Variants in SHPRH observed in about 807,000 individuals in gnomAD.
SHPRH encodes the protein E3 ubiquitin-protein ligase SHPRH.
A neutral mutation model predicts 202.5 loss-of-function variants in SHPRH; 106 were observed. That is an observed-to-expected ratio of 0.52 (90% CI 0.45 to 0.62). The LOEUF (loss-of-function observed/expected upper bound fraction) is 0.62. Ranked by LOEUF, SHPRH falls within the 20% of genes least tolerant of loss-of-function variation. The pLI is 0.00. For missense variants in SHPRH, 1,710 were observed against 2,020.0 expected (o/e 0.85, Z 2.94); for synonymous variants, 729 against 686.0 (o/e 1.06, Z -0.98).
chr6:145,923,625 T>G lies in SHPRH; in HGVS notation c.3545+18A>C. ...TTTTAAAATTATGAGTAGATACTTT[T>G]TCTTCCTGTTTTCTTACTTCTCTGA... On this transcript the variant is annotated intron_variant, in intron 18 of 29. Transcript: ENST00000275233. 4 of 1,609,108 alleles carry G rather than the reference T, an allele frequency of 2.5e-6. No individual in the cohort carries two copies. Among genetic ancestry groups the G allele is most frequent in the South Asian group, 1.1e-5 (1 of 90,530 alleles).
chr6:145,869,865 T>C (rs1055402131), intron 2 of SHPRH, among the ~76,000 whole-genome samples: 1 of 151,642 alleles, frequency 6.6e-6, no homozygotes, highest in Non-Finnish European at 1.5e-5. Context: ...AATTAGTTTG[T>C]TCATAGTCAC....
intron 25 of SHPRH, among the ~76,000 whole-genome samples, chr6:145,898,336 G>A (rs1782191669): frequency 6.6e-6 from 1 of 152,030 alleles, no homozygotes; most frequent in Admixed American, 6.6e-5. Context: ...AAAAATTAAA[G>A]AGAACACAAA....
At chr6:145,952,273 G>T in intron 3 of SHPRH, 76 bp downstream of exon 3, 1 of 1,297,974 alleles carries the variant, frequency 7.7e-7, no homozygotes, top group Non-Finnish European at 1.0e-6. Flanking sequence ...TTTTCTGATT[G>T]TTATGTCCAG....
chr6:145,945,376 G>A lies in SHPRH; in HGVS notation c.1578+5C>T, dbSNP rs1166913389. The stretch of plus-strand genomic sequence containing the variant: ...TAATATAGAGCTGAACTTAAGCTCT[G>A]TTACCTGCTTTTTTGTTTTATCACA... On this transcript the variant is annotated splice_donor_5th_base_variant and intron_variant, in intron 8 of 29. Coordinates refer to ENST00000275233, the MANE Select transcript of SHPRH (RefSeq NM_001042683.3). 2 of 1,606,966 alleles carry A rather than the reference G, an allele frequency of 1.2e-6. No individual in the cohort carries two copies. Among genetic ancestry groups the A allele is most frequent in the Non-Finnish European group, 1.7e-6 (2 of 1,177,176 alleles).
At chr6:145,910,711 C>A in intron 24 of SHPRH, 75 bp from the exon 25 acceptor site, 2 of 1,332,924 alleles carry the variant, frequency 1.5e-6, no homozygotes, top group South Asian at 2.0e-5. Flanking sequence ...AAAAGAGATT[C>A]GCAATTTTTC....
chr6:145,920,016 A>T (rs1239986810), intron 21 of SHPRH, among the ~76,000 whole-genome samples: 14 of 152,098 alleles, frequency 9.2e-5, no homozygotes, highest in Admixed American at 9.2e-4. Context: ...TTATCCTGCT[A>T]CACTTTTCAT....
chr6:145,867,753 C>T (rs1255219252), intron 2 of SHPRH, among the ~76,000 whole-genome samples: 4 of 150,082 alleles, frequency 2.7e-5, no homozygotes, highest in Non-Finnish European at 5.9e-5. Flanking sequence ...ACCATTAGCA[C>T]CAGAAGCTGC....
Position 145,926,257 on chromosome 6 carries a change from C to T in SHPRH, c.3241G>A (p.Ala1081Thr), listed in dbSNP as rs759360831. The change falls in exon 16 of 30, where the codon GCC becomes ACC. Residue 1081 changes from alanine (A) to threonine (T), a missense_variant. Ala to Thr is a moderately conservative substitution (Grantham distance 58). Transcript: ENST00000275233. ...GTAGGTGGTATCCCTGGGTGCCTGG[C>T]TATCAACAATTCCATCAAGTTATGG... ...ATHNLMELLIARHPGIPPTLR... is the reference protein window; with the variant it reads ...ATHNLMELLITRHPGIPPTLR... 3 of 1,612,846 alleles carry T rather than the reference C, an allele frequency of 1.9e-6. No individual in the cohort carries two copies. Among genetic ancestry groups the T allele is most frequent in the African/African-American group, 2.7e-5 (2 of 74,814 alleles).
rs868726225 is a variant in SHPRH at position 145,922,724 on chromosome 6, G to A, written c.3658C>T (p.Arg1220Cys). The A allele has an allele frequency of 4.3e-6, 7 of 1,612,110 alleles. No individual in the cohort carries two copies. Among genetic ancestry groups the A allele is most frequent in the Non-Finnish European group, 5.1e-6 (6 of 1,178,814 alleles). Residue 1220 changes from arginine to cysteine, a missense_variant, in exon 19 of 30, where the codon CGT becomes TGT. Physicochemically the swap from Arg to Cys is radical, Grantham distance 180. Coordinates refer to ENST00000275233, the MANE Select transcript of SHPRH (RefSeq NM_001042683.3). ...AVKNLEGPPSRNVIESATVCH... is the reference protein window; with the variant it reads ...AVKNLEGPPSCNVIESATVCH... ...ACTGTTGCAGACTCAATAACATTAC[G>A]AGATGGAGGTCCCTCCAGGTTTTTT...
intron 2 of SHPRH, among the ~76,000 whole-genome samples, chr6:145,874,582 A>G (rs908417901): frequency 5.3e-5 from 8 of 152,036 alleles, no homozygotes; most frequent in Non-Finnish European, 1.0e-4. Context: ...TACCAAAATC[A>G]AGATAATTAA....
At chr6:145,915,874 A>G (rs1467039004) in intron 23 of SHPRH, among the ~76,000 whole-genome samples, 2 of 151,958 alleles carry the variant, frequency 1.3e-5, no homozygotes, top group East Asian at 3.9e-4. Context: ...GATATTTGTC[A>G]TAATTTTATG....
chr6:145,916,915 G>C (rs968314014), intron 23 of SHPRH, among the ~76,000 whole-genome samples: 1 of 151,874 alleles, frequency 6.6e-6, no homozygotes, highest in South Asian at 2.1e-4. Context: ...CCTGGGAACT[G>C]GATTACAGGC....
Position 145,927,234 on chromosome 6 carries a change from G to A in SHPRH, c.3156C>T (p.Arg1052=). Residue 1052 remains arginine (R), a synonymous_variant, in exon 15 of 30, where the codon CGC becomes CGT. Coordinates refer to ENST00000275233, the MANE Select transcript of SHPRH (RefSeq NM_001042683.3). ...GTTTTCCTTTGTGTTCCTCCGAGGA[G>A]CGCAACACTTCTCTGTACAATTCTG... ...LAAELYREVL[R]SSEEHKGKLK... The A allele has an allele frequency of 1.2e-6, 2 of 1,612,156 alleles. No homozygotes were observed. The highest frequency in any genetic ancestry group is 1.3e-5 in the African/African-American group (1 of 74,954).
At chr6:145,887,104 C>G (rs1781092813) in intron 29 of SHPRH, among the ~76,000 whole-genome samples, 1 of 152,098 alleles carries the variant, frequency 6.6e-6, no homozygotes, top group Admixed American at 6.6e-5. Context: ...TAATTTGTTT[C>G]AAGAGAATTT....
chr6:145,940,165 A>G (rs1786593714), intron 11 of SHPRH, among the ~76,000 whole-genome samples: 1 of 152,114 alleles, frequency 6.6e-6, no homozygotes, highest in South Asian at 2.1e-4. Context: ...ACTAGACACA[A>G]TCTAAATGCT....
chr6:145,908,547 G>A (rs928047472), intron 25 of SHPRH: 3 of 152,054 alleles, frequency 2.0e-5, no homozygotes, highest in East Asian at 1.9e-4. Context: ...TGTTGGCCAC[G>A]TAAATATCTT....
At position 145,948,956 on chromosome 6, in the gene SHPRH, C is replaced by T. The variant is rs539422493; in HGVS notation, c.983-606G>A. On this transcript the variant is annotated intron_variant, in intron 4 of 29. Coordinates refer to ENST00000275233, the MANE Select transcript of SHPRH (RefSeq NM_001042683.3). ...TGCCAAATAAGTAGCATGTCTCTAC[C>T]CACCAATGAAACAGCAAGTAATTTT... 2.0e-5 allele frequency among the ~76,000 whole-genome samples: 3 copies of T among 151,994 alleles called. No homozygotes were observed. In the South Asian group the frequency reaches 6.3e-4, roughly 32 times the overall value.
At chr6:145,938,253 G>A (rs1359086920) in intron 11 of SHPRH, among the ~76,000 whole-genome samples, 4 of 152,124 alleles carry the variant, frequency 2.6e-5, no homozygotes, top group African/African-American at 9.7e-5. Flanking sequence ...GTTACAAAGC[G>A]AGTCCAGCCC....
chr6:145,944,199 A>AAAAG, intron 8 of SHPRH, among the ~76,000 whole-genome samples: 1 of 152,316 alleles, frequency 6.6e-6, no homozygotes, highest in Middle Eastern at 3.4e-3. Context: ...AAAGTAAAAG[A>AAAAG]TAATCCACTG....
Sources: allele counts gnomAD v4.1 joint callset (sites outside exome capture counted in the v4.1 genomes callset), GRCh38; gene constraint gnomAD v4.1.1; transcripts MANE v1.5; gene names NCBI Gene and HGNC (gene_info 2026-07-23, HGNC 2026-07-21).